Variants in IGSF10 observed in about 807,000 individuals in gnomAD.
The protein encoded by IGSF10 is immunoglobulin superfamily member 10, also known as calvaria mechanical force protein 608.
Under a neutral mutation model 128.2 loss-of-function variants are expected in IGSF10, and 126 were observed. That is an observed-to-expected ratio of 0.98 (90% confidence interval 0.85 to 1.14). IGSF10 has a LOEUF of 1.14. IGSF10 is among the 50% of genes most tolerant of loss of function. The pLI is 0.00. For missense variants in IGSF10, 3,295 were observed against 3,149.8 expected (o/e 1.05, Z -1.10); for synonymous variants, 1,185 against 1,146.2 (o/e 1.03, Z -0.68).
At chr3:151,596,835 T>C in the IGSF10 span, among the ~76,000 whole-genome samples, 1 of 152,202 alleles carries the variant, frequency 6.6e-6, no homozygotes, top group African/African-American at 2.4e-5. Context: ...TATGATATGC[T>C]AGCCAAAGTC....
At chr3:151,509,622 AGT>A in the IGSF10 span, among the ~76,000 whole-genome samples, 1 of 152,250 alleles carries the variant, frequency 6.6e-6, no homozygotes, top group Non-Finnish European at 1.5e-5. Flanking sequence ...AGTGCCGGAC[AGT>A]GTGTGCAGGA....
At chr3:151,533,398 A>C in the IGSF10 span, among the ~76,000 whole-genome samples, 2 of 152,220 alleles carry the variant, frequency 1.3e-5, no homozygotes, top group Non-Finnish European at 2.9e-5. Context: ...CTCTGACTTC[A>C]AACTATGCTA....
the IGSF10 span, among the ~76,000 whole-genome samples, chr3:151,514,711 C>T: frequency 6.6e-6 from 1 of 152,080 alleles, no homozygotes; most frequent in Non-Finnish European, 1.5e-5. Context: ...TTTTTGCAAC[C>T]TACTCATCTG....
chr3:151,496,455 TC>T, the IGSF10 span, among the ~76,000 whole-genome samples: 6 of 147,406 alleles, frequency 4.1e-5, no homozygotes, highest in Non-Finnish European at 7.4e-5. Flanking sequence ...GTTTGGTTTT[TC>T]TGTCCTTGTG....
rs1490837822 is a variant in IGSF10, at chr3:151,438,124, C to T, written c.6437G>A (p.Ser2146Asn). 1.9e-6 allele frequency: 3 copies of T among 1,614,190 alleles called. No individual in the cohort carries two copies. Among genetic ancestry groups the T allele is most frequent in the East Asian group, 2.2e-5 (1 of 44,874 alleles). The stretch of plus-strand genomic sequence containing the variant: ...TTTGATTCTCTTGTTGGTTTTGTTA[C>T]TCTGCCTTATCCGGGGAGCAGCTGT... ...VITAAPRIRQ[S>N]NKTNKRIKAG... Residue 2146 changes from serine to asparagine, a missense_variant, in exon 8 of 8, where the codon AGT becomes AAT. Coordinates refer to ENST00000282466, the MANE Select transcript of IGSF10 (RefSeq NM_178822.5).
At chr3:151,600,597 T>C in the IGSF10 span, among the ~76,000 whole-genome samples, 2 of 152,156 alleles carry the variant, frequency 1.3e-5, no homozygotes, top group Non-Finnish European at 1.5e-5. Flanking sequence ...GCATTTGTTA[T>C]AGGATTTCTT....
the IGSF10 span, among the ~76,000 whole-genome samples, chr3:151,607,930 A>G: frequency 1.3e-5 from 2 of 149,898 alleles, no homozygotes; most frequent in Non-Finnish European, 3.0e-5. Flanking sequence ...AAAAAAAAAA[A>G]AAAAAAAGAA....
the IGSF10 span, among the ~76,000 whole-genome samples, chr3:151,592,246 A>G: frequency 6.6e-6 from 1 of 150,780 alleles, no homozygotes; most frequent in African/African-American, 2.4e-5. Context: ...ACACACACAC[A>G]CACACACACT....
the IGSF10 span, among the ~76,000 whole-genome samples, chr3:151,515,689 A>G: frequency 6.7e-6 from 1 of 148,730 alleles, no homozygotes; most frequent in African/African-American, 2.5e-5. Context: ...AATATATAAT[A>G]TATATAATTT....
At chr3:151,512,109 T>C in the IGSF10 span, among the ~76,000 whole-genome samples, 1 of 152,122 alleles carries the variant, frequency 6.6e-6, no homozygotes, top group African/African-American at 2.4e-5. Flanking sequence ...CTGCACCAAG[T>C]GGACCTAATA....
At chr3:151,581,562 T>A in the IGSF10 span, among the ~76,000 whole-genome samples, 15 of 152,190 alleles carry the variant, frequency 9.9e-5, no homozygotes, top group African/African-American at 2.9e-4. Context: ...CAAAGATTTC[T>A]GAAGCTTCCA....
At chr3:151,553,758 CA>C in the IGSF10 span, among the ~76,000 whole-genome samples, 1 of 151,552 alleles carries the variant, frequency 6.6e-6, no homozygotes, top group African/African-American at 2.4e-5. Flanking sequence ...TCAAGTTTTT[CA>C]AAAGTCTCCT....
At chr3:151,507,272 C>CAT in the IGSF10 span, among the ~76,000 whole-genome samples, 683 of 152,230 alleles carry the variant, frequency 4.5e-3, 6 homozygotes, top group East Asian at 0.034. Flanking sequence ...CCCTGACCTT[C>CAT]ATATTCCTCC....
In IGSF10 at chr3:151,437,248, G is replaced by A. The variant is rs775610704; in HGVS notation, c.7313C>T (p.Ala2438Val). The A allele has an allele frequency of 4.3e-6, 7 of 1,614,090 alleles. No homozygotes were observed. The highest frequency in any genetic ancestry group is 5.9e-6 in the Non-Finnish European group (7 of 1,180,038). ...IGQKPVILTY[A>V]PGTVKGISGE... Reference sequence around the variant, plus strand: ...ACTGATGCCTTTTACTGTCCCTGGTGCATAGGTAAGAATAACTGGCTTCTG... The same window carrying A: ...ACTGATGCCTTTTACTGTCCCTGGTACATAGGTAAGAATAACTGGCTTCTG... The change falls in exon 8 of 8, where the codon GCA (alanine) becomes GTA (valine). Residue 2438 changes from alanine (A) to valine (V), a missense_variant. Coordinates refer to ENST00000282466, the MANE Select transcript of IGSF10 (RefSeq NM_178822.5).
chr3:151,608,770 G>T, the IGSF10 span, among the ~76,000 whole-genome samples: 1 of 151,990 alleles, frequency 6.6e-6, no homozygotes, highest in Non-Finnish European at 1.5e-5. Context: ...TTTTGTCAAA[G>T]AAAAAGACAA....
At chr3:151,449,999 G>C (rs1305716640) in intron 5 of IGSF10, among the ~76,000 whole-genome samples, 1 of 152,198 alleles carries the variant, frequency 6.6e-6, no homozygotes, top group Admixed American at 6.5e-5. Context: ...AGATGCACTA[G>C]AGCAGGTTCA....
At chr3:151,471,500 C>T in the IGSF10 span, among the ~76,000 whole-genome samples, 1 of 152,194 alleles carries the variant, frequency 6.6e-6, no homozygotes, top group Non-Finnish European at 1.5e-5. Context: ...GGAACTCTTC[C>T]TCAATTTAAG....
the IGSF10 span, among the ~76,000 whole-genome samples, chr3:151,499,214 A>C: frequency 1.3e-5 from 2 of 152,052 alleles, no homozygotes; most frequent in Non-Finnish European, 2.9e-5. Context: ...ACCCTGAACA[A>C]TTCCTTTATT....
the IGSF10 span, among the ~76,000 whole-genome samples, chr3:151,510,534 G>T: frequency 6.6e-6 from 1 of 152,122 alleles, no homozygotes; most frequent in Non-Finnish European, 1.5e-5. Context: ...CAGAAAAACT[G>T]GAAACTCTAA....
Sources: allele counts gnomAD v4.1 joint callset (sites outside exome capture counted in the v4.1 genomes callset), GRCh38; gene constraint gnomAD v4.1.1; transcripts MANE v1.5; gene names NCBI Gene and HGNC (gene_info 2026-07-23, HGNC 2026-07-21).